The following MBOAT7 variants were observed in gnomAD, a reference collection of about 807,000 sequenced individuals.
MBOAT7 encodes membrane bound acylglycerophosphatidylinositol O-acyltransferase MBOAT7.
A neutral mutation model predicts 47.4 loss-of-function variants in MBOAT7; 40 were observed. That is an observed-to-expected ratio of 0.84 (90% CI 0.66 to 1.10). The LOEUF is 1.10. Among genes scored for constraint, MBOAT7 ranks in the 50% least tolerant of loss-of-function variants. The pLI is 0.00. For missense variants in MBOAT7, 680 were observed against 655.6 expected (o/e 1.04, Z -0.41); for synonymous variants, 361 against 292.0 (o/e 1.24, Z -2.41).
In MBOAT7 at chr19:54,188,609, A is replaced by C. The variant is rs1477682368; in HGVS notation, c.-3-98T>G. On this transcript the variant is annotated intron_variant, in intron 1 of 7. Transcript: ENST00000245615. ...CCAGGAACCCAGCCTTCTAGACCCC[A>C]GTTTTTGAGGATGATGGAGTATGAG... The C allele has an allele frequency of 6.9e-6, 8 of 1,164,924 alleles. No homozygotes were observed. In the East Asian group the frequency reaches 7.7e-5, roughly 11 times the overall value. The allele number at this position is 1,164,924 out of a possible 1,614,324, so 72.2% of individuals were successfully genotyped here. A position where few individuals can be genotyped will look rare whatever the true frequency, so the allele number is the denominator to read the frequency against.
chr19:54,182,021 G>GGGAGGGAA (rs2076301042), intron 5 of MBOAT7, among the ~76,000 whole-genome samples: 2 of 134,674 alleles, frequency 1.5e-5, no homozygotes, highest in Non-Finnish European at 3.3e-5. Flanking sequence ...GAAGGAAGGA[G>GGGAGGGAA]GGAGGGAAGG....
intron 7 of MBOAT7, among the ~76,000 whole-genome samples, chr19:54,178,055 C>T (rs770401752): frequency 6.6e-6 from 1 of 151,894 alleles, no homozygotes; most frequent in Non-Finnish European, 1.5e-5. Context: ...GGACTACAGG[C>T]GCCCACCACC....
chr19:54,188,596 C>T, intron 1 of MBOAT7, 85 bp from the exon 2 acceptor site: 4 of 1,281,114 alleles, frequency 3.1e-6, no homozygotes, highest in East Asian at 2.5e-5. Flanking sequence ...AGGAACCCAG[C>T]CTTCTAGACC....
At chr19:54,177,209 ACTTACT>A (rs2076132660) in intron 7 of MBOAT7, among the ~76,000 whole-genome samples, 1 of 150,234 alleles carries the variant, frequency 6.7e-6, no homozygotes, top group Non-Finnish European at 1.5e-5. Context: ...TACTCCCAAA[ACTTACT>A]CTTCCTGGGT....
intron 7 of MBOAT7, among the ~76,000 whole-genome samples, chr19:54,177,403 C>T (rs1365563684): frequency 1.3e-5 from 2 of 151,888 alleles, no homozygotes; most frequent in African/African-American, 2.4e-5. Flanking sequence ...TCACACCATT[C>T]TCCTGCCTCA....
intron 7 of MBOAT7, among the ~76,000 whole-genome samples, chr19:54,177,907 T>TG (rs1437391456): frequency 0.064 from 3,842 of 60,430 alleles, 293 homozygotes; most frequent in African/African-American, 0.17. Flanking sequence ...TCTGTTTTTT[T>TG]TTTTTTTTTT....
At chr19:54,175,163 A>G (rs540654247) in intron 7 of MBOAT7, among the ~76,000 whole-genome samples, 6 of 152,030 alleles carry the variant, frequency 3.9e-5, no homozygotes, top group Non-Finnish European at 5.9e-5. Context: ...TATTTTTAGT[A>G]GAGACGGGGT....
rs753737726 is a variant in MBOAT7, at chr19:54,187,271, C to T, written c.223G>A (p.Ala75Thr). ...QAQPCSCHAL[A>T]LAWTFSYLLF... ...AGATAGGAGAAAGTCCAGGCCAGAG[C>T]CAGGGCGTGGCAGGAGCTGGGCAAA... The change falls in exon 4 of 8, where the codon GCT becomes ACT. Residue 75 changes from alanine (A) to threonine (T), a missense_variant. Physicochemically the swap from Ala to Thr is moderately conservative, Grantham distance 58. Transcript: ENST00000245615. 5.6e-6 allele frequency: 9 copies of T among 1,610,210 alleles called. No individual in the cohort carries two copies. In the South Asian group the frequency reaches 9.9e-5, roughly 18 times the overall value.
intron 3 of MBOAT7, among the ~76,000 whole-genome samples, chr19:54,188,016 A>AAAAAG (rs2076483874): frequency 4.6e-5 from 3 of 64,748 alleles, no homozygotes; most frequent in Admixed American, 3.8e-4. Context: ...ACTCCATCTC[A>AAAAAG]GAAAGAAAGA....
At chr19:54,188,046 A>AAAGGAAGGAAGGAAGG (rs2076494041) in intron 3 of MBOAT7, among the ~76,000 whole-genome samples, 171 bp downstream of exon 3, 1 of 57,120 alleles carries the variant, frequency 1.8e-5, no homozygotes, top group African/African-American at 4.4e-5. Flanking sequence ...AGAAAGAAAG[A>AAAGGAAGGAAGGAAGG]AAGAAAGAAA....
At chr19:54,177,898 C>CTTTTTTT (rs2076152527) in intron 7 of MBOAT7, among the ~76,000 whole-genome samples, 1 of 54,038 alleles carries the variant, frequency 1.9e-5, no homozygotes, top group Non-Finnish European at 3.4e-5. Flanking sequence ...AGTTCTACTT[C>CTTTTTTT]TGTTTTTTTT....
At position 54,180,674 on chromosome 19, in the gene MBOAT7, T is replaced by C; in HGVS notation, c.854+99A>G. ...ACTCTGCTCAAAAAGGTGGTGGCCC[T>C]GGCCCCTTGCTCCCCGCTCTCCTCC... On this transcript the variant is annotated intron_variant, in intron 6 of 7. Transcript: ENST00000245615. This position sits in a 1 kb window ranked among gnomAD's most constrained non-coding sequence, Gnocchi z 5.2. The C allele has an allele frequency of 1.7e-6, 2 of 1,180,436 alleles. No homozygotes were observed. The highest frequency in any genetic ancestry group is 2.3e-6 in the Non-Finnish European group (2 of 869,896). 73.1% of individuals were successfully genotyped at this position (1,180,436 alleles called of 1,614,324 possible).
chr19:54,179,146 C>T (rs1283640078), intron 6 of MBOAT7: 9 of 640,602 alleles, frequency 1.4e-5, no homozygotes, highest in East Asian at 5.5e-5. Flanking sequence ...CTGGGTGGTA[C>T]AGTCCACTGA....
rs191852631 is a variant in MBOAT7, at chr19:54,178,648, A to G, written c.1031+117T>C. On this transcript the variant is annotated intron_variant, in intron 7 of 7. Coordinates refer to ENST00000245615, the MANE Select transcript of MBOAT7 (RefSeq NM_024298.5). ...AGGGCAAAACCAGGCTAAACAAACT[A>G]CAATTCCCATGAGCCTCCGGGGGCA... 34 of 1,469,448 alleles carry G rather than the reference A, an allele frequency of 2.3e-5. No individual in the cohort carries two copies. In the African/African-American group the frequency reaches 4.4e-4, roughly 19 times the overall value. The allele number at this position is 1,469,448 out of a possible 1,614,324, so 91.0% of individuals were successfully genotyped here.
At chr19:54,175,145 TTC>T (rs1234514360) in intron 7 of MBOAT7, among the ~76,000 whole-genome samples, 53 of 152,028 alleles carry the variant, frequency 3.5e-4, no homozygotes, top group Middle Eastern at 6.8e-3. Flanking sequence ...CCGGCTAATT[TTC>T]TTTTCTATTT....
At chr19:54,176,491 G>A (rs1195715449) in intron 7 of MBOAT7, among the ~76,000 whole-genome samples, 3 of 152,146 alleles carry the variant, frequency 2.0e-5, no homozygotes, top group Non-Finnish European at 4.4e-5. Flanking sequence ...CTGGGAGGGA[G>A]AGGTTGCAGT....
At chr19:54,187,075 CG>C in intron 4 of MBOAT7, 85 bp downstream of exon 4, 11 of 1,460,218 alleles carry the variant, frequency 7.5e-6, no homozygotes, top group Non-Finnish European at 1.0e-5. Context: ...GGTAAAATCC[CG>C]GGGAGCCACT....
rs1362791693 is a variant in MBOAT7 at position 54,180,725 on chromosome 19, G to A, written c.854+48C>T. On this transcript the variant is annotated intron_variant, in intron 6 of 7. Coordinates refer to ENST00000245615, the MANE Select transcript of MBOAT7 (RefSeq NM_024298.5). This position sits in a 1 kb window ranked among gnomAD's most constrained non-coding sequence, Gnocchi z 5.2. ...CGGCTAGGGGCAGAGCCAGCCCTTG[G>A]AGGTGGGGGCTGCTGGGTCTTGGGA... 19 of 1,448,138 alleles carry A rather than the reference G, an allele frequency of 1.3e-5. No individual in the cohort carries two copies. The highest frequency in any genetic ancestry group is 1.7e-5 in the Non-Finnish European group (19 of 1,105,180). The allele number at this position is 1,448,138 out of a possible 1,614,324, so 89.7% of individuals were successfully genotyped here. A position where few individuals can be genotyped will look rare whatever the true frequency, so the allele number is the denominator to read the frequency against.
chr19:54,174,784 G>A (rs1445174000), intron 7 of MBOAT7, among the ~76,000 whole-genome samples: 1 of 152,006 alleles, frequency 6.6e-6, no homozygotes, highest in East Asian at 1.9e-4. Context: ...TCCCCACTCA[G>A]ACCCATGACC....
Sources: allele counts gnomAD v4.1 joint callset (sites outside exome capture counted in the v4.1 genomes callset), GRCh38; gene constraint gnomAD v4.1.1; non-coding constraint Gnocchi (gnomAD v3.1); transcripts MANE v1.5; gene names NCBI Gene and HGNC (gene_info 2026-07-23, HGNC 2026-07-21).